The following SMARCC1 variants were observed in gnomAD, a reference collection of about 807,000 sequenced individuals.
SMARCC1 encodes SWI/SNF related BAF chromatin remodeling complex subunit C1, also known as SWI/SNF complex subunit SMARCC1.
In SMARCC1, 43 loss-of-function variants were observed where a neutral mutation model predicts 147.4. The ratio of observed to expected loss-of-function variants is 0.29; its 90% CI spans 0.23 to 0.38. The LOEUF (loss-of-function observed/expected upper bound fraction) is 0.38. Ranked by LOEUF, SMARCC1 falls within the 10% of genes least tolerant of loss-of-function variation. The pLI is 1.00. For missense variants in SMARCC1, 1,119 were observed against 1,381.1 expected (o/e 0.81, Z 3.01); for synonymous variants, 495 against 484.4 (o/e 1.02, Z -0.29).
Position 47,635,264 on chromosome 3 carries a change from C to T in SMARCC1, c.2572G>A (p.Glu858Lys). The change falls in exon 24 of 28, where the codon GAA becomes AAA. Residue 858 changes from glutamate (E) to lysine (K), a missense_variant. This residue lies in a region of SMARCC1 where 157 missense variants were observed against 158.6 expected (regional missense o/e 0.99). Coordinates refer to ENST00000254480, the MANE Select transcript of SMARCC1 (RefSeq NM_003074.4). ...RESDTGKKKV[E>K]HEISEGNVAT... ...ACATTTCCTTCGGAAATTTCATGTT[C>T]TACTTTCTTCTTCCCAGTATCACTT... 1.2e-6 allele frequency: 2 copies of T among 1,613,492 alleles called. No individual in the cohort carries two copies. The highest frequency in any genetic ancestry group is 4.5e-5 in the East Asian group (2 of 44,882).
chr3:47,741,127 A>C (rs2106835309), intron 3 of SMARCC1, among the ~76,000 whole-genome samples: 1 of 152,044 alleles, frequency 6.6e-6, no homozygotes, highest in East Asian at 1.9e-4. Context: ...GATAAACTGG[A>C]GGCATATAAG....
chr3:47,668,382 C>T (rs553669525), intron 19 of SMARCC1, among the ~76,000 whole-genome samples: 1 of 152,056 alleles, frequency 6.6e-6, no homozygotes, highest in Non-Finnish European at 1.5e-5. Context: ...AATATAAAAC[C>T]TTACATTATC....
intron 2 of SMARCC1, among the ~76,000 whole-genome samples, chr3:47,763,023 G>A (rs1024749687): frequency 5.3e-5 from 8 of 150,140 alleles, no homozygotes; most frequent in South Asian, 2.1e-4. Context: ...CCGAGATCAC[G>A]CCACTACACT....
chr3:47,728,987 G>C (rs1003776278), intron 6 of SMARCC1, 38 bp downstream of exon 6: 2 of 1,315,172 alleles, frequency 1.5e-6, no homozygotes, highest in Non-Finnish European at 2.2e-6. Flanking sequence ...TTGGTATGAT[G>C]TATGAGCTCA....
chr3:47,715,531 C>T (rs756371185), intron 7 of SMARCC1, among the ~76,000 whole-genome samples: 3 of 152,208 alleles, frequency 2.0e-5, no homozygotes, highest in Non-Finnish European at 4.4e-5. Flanking sequence ...CTCCACTCTG[C>T]TCACTGGTTT....
chr3:47,685,576 C>T (rs555040982), intron 14 of SMARCC1, among the ~76,000 whole-genome samples: 6 of 150,678 alleles, frequency 4.0e-5, no homozygotes, highest in South Asian at 4.2e-4. Flanking sequence ...AAAAAAAATT[C>T]GAGCCAGGCG....
chr3:47,678,068 C>A, intron 16 of SMARCC1, 130 bp downstream of exon 16: 1 of 450,372 alleles, frequency 2.2e-6, no homozygotes, highest in South Asian at 8.1e-5. Flanking sequence ...TATAATCAAC[C>A]CCTAAATGGC....
intron 5 of SMARCC1, among the ~76,000 whole-genome samples, chr3:47,732,184 A>T (rs934949616): frequency 5.3e-5 from 8 of 152,152 alleles, no homozygotes; most frequent in African/African-American, 1.9e-4. Flanking sequence ...CTTAAACCTC[A>T]TTAGGCAACC....
intron 21 of SMARCC1, among the ~76,000 whole-genome samples, chr3:47,655,466 G>T (rs1275364824): frequency 6.6e-6 from 1 of 151,600 alleles, no homozygotes; most frequent in Non-Finnish European, 1.5e-5. Flanking sequence ...GGAGGCTGAG[G>T]CGGGCAGATC....
chr3:47,638,884 C>T, intron 21 of SMARCC1, 104 bp from the exon 22 acceptor site: 1 of 797,772 alleles, frequency 1.3e-6, no homozygotes, highest in Non-Finnish European at 2.2e-6. Flanking sequence ...TACAGTAATA[C>T]ATAACGAATA....
intron 21 of SMARCC1, among the ~76,000 whole-genome samples, chr3:47,653,049 C>G (rs573497915): frequency 2.6e-5 from 4 of 151,706 alleles, no homozygotes; most frequent in African/African-American, 9.7e-5. Flanking sequence ...CTCCGCTTCC[C>G]GGGTTCACGC....
chr3:47,675,654 A>G, intron 17 of SMARCC1, 66 bp from the exon 18 acceptor site: 2 of 929,904 alleles, frequency 2.2e-6, no homozygotes, highest in East Asian at 2.6e-5. Flanking sequence ...AATGTTTTTA[A>G]AAATTTGTTT....
chr3:47,710,871 A>G, intron 8 of SMARCC1, 63 bp from the exon 9 acceptor site: 2 of 1,381,048 alleles, frequency 1.4e-6, no homozygotes, highest in South Asian at 2.7e-5. Context: ...GTTTTACAGT[A>G]TTGAGAAGGA....
At chr3:47,670,769 G>A (rs750169848) in intron 18 of SMARCC1, 52 bp from the exon 19 acceptor site, 19 of 1,065,604 alleles carry the variant, frequency 1.8e-5, no homozygotes, top group Non-Finnish European at 2.8e-5. Context: ...GCTGAAGATG[G>A]AGCTCAGTAG....
chr3:47,624,985 G>A (rs2032787864), intron 24 of SMARCC1, among the ~76,000 whole-genome samples: 1 of 151,062 alleles, frequency 6.6e-6, no homozygotes, highest in Admixed American at 6.6e-5. Flanking sequence ...AGCCAAGATT[G>A]CGCCACAGCA....
intron 24 of SMARCC1, among the ~76,000 whole-genome samples, chr3:47,623,009 T>C (rs1415529541): frequency 6.6e-6 from 1 of 152,100 alleles, no homozygotes; most frequent in African/African-American, 2.4e-5. Context: ...AACTACTAGC[T>C]AGTAATCAAT....
intron 14 of SMARCC1, among the ~76,000 whole-genome samples, chr3:47,683,894 A>G (rs2033686147): frequency 6.6e-6 from 1 of 151,884 alleles, no homozygotes; most frequent in Admixed American, 6.5e-5. Context: ...GGCACAGACA[A>G]ACAAAAAGAC....
chr3:47,775,239 C>T (rs768083565), intron 1 of SMARCC1, among the ~76,000 whole-genome samples: 25 of 150,744 alleles, frequency 1.7e-4, no homozygotes, highest in Admixed American at 6.0e-4. Context: ...TGGCTCACTG[C>T]AAGCTCTGCC....
intron 26 of SMARCC1, among the ~76,000 whole-genome samples, chr3:47,597,818 C>T (rs966678521): frequency 2.6e-5 from 4 of 152,080 alleles, no homozygotes; most frequent in Admixed American, 1.3e-4. Flanking sequence ...GAAGGAAGGG[C>T]GAGCATGGAG....
Sources: gnomAD v4.1 joint callset for allele counts (sites outside exome capture counted in the v4.1 genomes callset) on GRCh38, gnomAD v4.1.1 for gene constraint, gnomAD v4.1.1 regional missense constraint, MANE v1.5 for transcripts, NCBI Gene and HGNC (gene_info 2026-07-23, HGNC 2026-07-21) for gene names.